EXOC4: variants seen among roughly 807,000 people sequenced by gnomAD.
The protein encoded by EXOC4 is SEC8-like 1.
A neutral mutation model predicts 107.2 loss-of-function variants in EXOC4; 71 were observed. The ratio of observed to expected loss-of-function variants is 0.66; its 90% CI spans 0.55 to 0.81. The LOEUF (loss-of-function observed/expected upper bound fraction) is 0.81, where lower values mean the gene tolerates loss of function less well. Ranked by LOEUF, EXOC4 falls within the 30% of genes least tolerant of loss-of-function variation. The pLI is 0.00. For missense variants in EXOC4, 1,108 were observed against 1,189.6 expected, an observed-to-expected ratio of 0.93 and a Z score of 1.01; for synonymous variants, 456 against 441.2, an observed-to-expected ratio of 1.03 and a Z score of -0.42.
chr7:133,884,270 G>C (rs551228378), intron 11 of EXOC4, among the ~76,000 whole-genome samples: 2 of 152,260 alleles, frequency 1.3e-5, no homozygotes, highest in East Asian at 3.9e-4. Flanking sequence ...GGCGGGCTGG[G>C]CAGGAAAACC....
chr7:133,606,944 G>T (rs895618412), intron 9 of EXOC4, among the ~76,000 whole-genome samples: 4 of 152,058 alleles, frequency 2.6e-5, no homozygotes, highest in Non-Finnish European at 5.9e-5. Flanking sequence ...TATTCCATCT[G>T]TTATTATTTC....
At chr7:133,418,665 T>A (rs181321485) in intron 7 of EXOC4, among the ~76,000 whole-genome samples, 19 of 152,322 alleles carry the variant, frequency 1.2e-4, no homozygotes, top group African/African-American at 4.1e-4. Flanking sequence ...GCTGTAGCTG[T>A]CACCCCTAGG....
chr7:133,281,938 G>C (rs1330303336), intron 2 of EXOC4, among the ~76,000 whole-genome samples: 2 of 151,998 alleles, frequency 1.3e-5, no homozygotes, highest in Non-Finnish European at 2.9e-5. Context: ...CCTGACTTCA[G>C]GTAATCTGCC....
At chr7:133,812,487 C>T (rs1199995310) in intron 10 of EXOC4, among the ~76,000 whole-genome samples, 1 of 152,158 alleles carries the variant, frequency 6.6e-6, no homozygotes, top group Non-Finnish European at 1.5e-5. Flanking sequence ...AGTCCCTCCC[C>T]TCTGCAGAGT....
intron 10 of EXOC4, among the ~76,000 whole-genome samples, chr7:133,730,437 C>T (rs1795302693): frequency 6.6e-6 from 1 of 151,920 alleles, no homozygotes. Context: ...TTCTTTCTAA[C>T]AGATTAGTAA....
At chr7:133,886,738 A>C (rs945551622) in intron 11 of EXOC4, among the ~76,000 whole-genome samples, 1 of 152,210 alleles carries the variant, frequency 6.6e-6, no homozygotes, top group Non-Finnish European at 1.5e-5. Flanking sequence ...TCTCAAAATT[A>C]ATAATGTGTC....
At chr7:133,380,698 A>G (rs1796599513) in intron 7 of EXOC4, among the ~76,000 whole-genome samples, 1 of 152,186 alleles carries the variant, frequency 6.6e-6, no homozygotes, top group Non-Finnish European at 1.5e-5. Context: ...AAGAGGTATC[A>G]ATTATGTGTT....
At chr7:133,493,853 T>C (rs1250984664) in intron 9 of EXOC4, among the ~76,000 whole-genome samples, 2 of 152,190 alleles carry the variant, frequency 1.3e-5, no homozygotes, top group Non-Finnish European at 2.9e-5. Flanking sequence ...CTGGCCTATA[T>C]TCACCCCAGA....
chr7:133,331,222 A>G (rs1215687524), intron 5 of EXOC4, among the ~76,000 whole-genome samples: 1 of 152,054 alleles, frequency 6.6e-6, no homozygotes, highest in Non-Finnish European at 1.5e-5. Flanking sequence ...TGACATAATA[A>G]AGAACTGAGC....
At chr7:133,639,850 C>T (rs540060854) in intron 10 of EXOC4, among the ~76,000 whole-genome samples, 2 of 151,462 alleles carry the variant, frequency 1.3e-5, no homozygotes, top group South Asian at 4.2e-4. Context: ...TGTAAAATAC[C>T]ACATTGTAAA....
At position 133,852,315 on chromosome 7, in the gene EXOC4, C is replaced by T. The variant is rs145336373; in HGVS notation, c.1734+34771C>T. Among the ~76,000 whole-genome samples, 365 of 151,888 alleles carry T rather than the reference C, an allele frequency of 2.4e-3. 5 individuals carry two copies. Among genetic ancestry groups the T allele is most frequent in the African/African-American group, 8.2e-3 (339 of 41,420 alleles). Reference sequence around the variant, plus strand: ...TCTGCTCACCTCAACCTCTGCCTCCCGGGTTCAAGCCATTCTCCTGCCTCA... The same window carrying T: ...TCTGCTCACCTCAACCTCTGCCTCCTGGGTTCAAGCCATTCTCCTGCCTCA... On this transcript the variant is annotated intron_variant, in intron 11 of 17. Coordinates refer to ENST00000253861, the MANE Select transcript of EXOC4 (RefSeq NM_021807.4).
intron 10 of EXOC4, among the ~76,000 whole-genome samples, chr7:133,712,494 GGTAGGAATACAAAAGGGTTCCAC>G (rs1389393198): frequency 6.8e-6 from 1 of 146,048 alleles, no homozygotes; most frequent in Non-Finnish European, 1.5e-5. Flanking sequence ...CTACACTGCT[GGTAGGAATACAAAAGGGTTCCAC>G]CATGATGCAT....
chr7:133,975,104 G>A (rs1793800680), intron 14 of EXOC4, among the ~76,000 whole-genome samples: 1 of 151,698 alleles, frequency 6.6e-6, no homozygotes, highest in African/African-American at 2.4e-5. Flanking sequence ...AGTACAGTGT[G>A]GGAAATATTT....
intron 13 of EXOC4, among the ~76,000 whole-genome samples, chr7:133,930,915 T>G (rs1800161656): frequency 6.6e-6 from 1 of 152,156 alleles, no homozygotes; most frequent in African/African-American, 2.4e-5. Flanking sequence ...CTACCCATTT[T>G]GTGGAACTTT....
chr7:133,952,692 A>G (rs1800720653), intron 14 of EXOC4, among the ~76,000 whole-genome samples: 1 of 151,968 alleles, frequency 6.6e-6, no homozygotes, highest in African/African-American at 2.4e-5. Context: ...TCTACTTCCT[A>G]TCTCTATGAA....
chr7:133,262,475 GAAAAT>G, intron 1 of EXOC4, among the ~76,000 whole-genome samples: 1 of 152,174 alleles, frequency 6.6e-6, no homozygotes, highest in Non-Finnish European at 1.5e-5. Context: ...CTCTTGGTAA[GAAAAT>G]AAAATATTTC....
intron 5 of EXOC4, among the ~76,000 whole-genome samples, chr7:133,320,936 C>T (rs1456529945): frequency 6.6e-6 from 1 of 152,176 alleles, no homozygotes; most frequent in Non-Finnish European, 1.5e-5. Flanking sequence ...TAATAATAAA[C>T]TGGAAGTCCT....
At chr7:133,292,416 A>G (rs935108315) in intron 3 of EXOC4, among the ~76,000 whole-genome samples, 9 of 152,152 alleles carry the variant, frequency 5.9e-5, no homozygotes, top group African/African-American at 2.2e-4. Context: ...GAGGTATCAT[A>G]TGTATTTTGT....
the EXOC4 span, among the ~76,000 whole-genome samples, chr7:134,075,045 A>G: frequency 6.6e-6 from 1 of 152,232 alleles, no homozygotes; most frequent in Non-Finnish European, 1.5e-5. Context: ...AAGAAAACTC[A>G]GGAGTATGAG....
Sources: allele counts gnomAD v4.1 joint callset (sites outside exome capture counted in the v4.1 genomes callset), GRCh38; gene constraint gnomAD v4.1.1; transcripts MANE v1.5; gene names NCBI Gene and HGNC (gene_info 2026-07-23, HGNC 2026-07-21).